Variants in CDC73 observed in about 807,000 individuals in gnomAD.
The protein encoded by CDC73 is parafibromin.
CDC73 carries 21 observed loss-of-function variants against 83.7 expected under a neutral mutation model. The observed-to-expected ratio is 0.25, with a 90% CI of 0.18 to 0.36. The LOEUF is 0.36. CDC73 is among the 10% of genes least tolerant of loss of function. The pLI is 1.00. For missense variants in CDC73, 342 were observed against 653.3 expected, an observed-to-expected ratio of 0.52 and a Z score of 5.19; for synonymous variants, 224 against 212.9, an observed-to-expected ratio of 1.05 and a Z score of -0.45.
In CDC73 at chr1:193,141,883, T is replaced by C. The variant is rs1478351190; in HGVS notation, c.546T>C (p.Ile182=). ...SLSEAMSVEK[I]AAIKAKIMAK... The stretch of plus-strand genomic sequence containing the variant: ...CTGAAGCTATGTCAGTGGAAAAAAT[T>C]GCTGCAATCAAAGCCAAAATTATGG... The change falls in exon 7 of 17, where the codon ATT becomes ATC. Residue 182 remains isoleucine (I), a synonymous_variant. Coordinates refer to ENST00000367435, the MANE Select transcript of CDC73 (RefSeq NM_024529.5). 1.2e-6 allele frequency: 2 copies of C among 1,613,552 alleles called. No homozygotes were observed. Among genetic ancestry groups the C allele is most frequent in the African/African-American group, 2.7e-5 (2 of 74,906 alleles).
intron 2 of CDC73, among the ~76,000 whole-genome samples, chr1:193,129,487 AATTTATTT>A (rs67384798): frequency 2.6e-3 from 366 of 142,868 alleles, no homozygotes; most frequent in African/African-American, 9.0e-3. Flanking sequence ...TTCAAAAAGA[AATTTATTT>A]ATTTATTTAT....
At chr1:193,224,153 C>A (rs995060610) in intron 13 of CDC73, among the ~76,000 whole-genome samples, 2 of 152,026 alleles carry the variant, frequency 1.3e-5, no homozygotes, top group African/African-American at 4.8e-5. Context: ...TCCACTCCCC[C>A]ACCCTTCCTG....
chr1:193,177,501 G>A (rs1254524553), intron 10 of CDC73, among the ~76,000 whole-genome samples: 4 of 147,936 alleles, frequency 2.7e-5, no homozygotes, highest in Admixed American at 1.4e-4. Context: ...CTGCACTCCA[G>A]CCTGGGCGAC....
At chr1:193,208,490 C>G (rs932928656) in intron 11 of CDC73, among the ~76,000 whole-genome samples, 1 of 152,180 alleles carries the variant, frequency 6.6e-6, no homozygotes, top group Non-Finnish European at 1.5e-5. Context: ...AAAAACTCAA[C>G]CACACATAGT....
intron 3 of CDC73, among the ~76,000 whole-genome samples, chr1:193,134,149 A>G (rs1469320747): frequency 6.6e-6 from 1 of 152,134 alleles, no homozygotes; most frequent in African/African-American, 2.4e-5. Flanking sequence ...GTGAATAACT[A>G]AAAATTACAT....
chr1:193,234,218 CACATAT>C (rs1213083241), intron 14 of CDC73, among the ~76,000 whole-genome samples: 2 of 29,204 alleles, frequency 6.8e-5, no homozygotes, highest in Non-Finnish European at 1.4e-4. Flanking sequence ...CACACACACA[CACATAT>C]ATATATTTAA....
chr1:193,236,426 T>C, intron 15 of CDC73, 70 bp downstream of exon 15: 2 of 986,340 alleles, frequency 2.0e-6, no homozygotes, highest in Non-Finnish European at 3.3e-6. Context: ...GAAACAGTCA[T>C]ATAGTTCTGC....
At chr1:193,145,445 G>A (rs1481047205) in intron 7 of CDC73, among the ~76,000 whole-genome samples, 1 of 152,148 alleles carries the variant, frequency 6.6e-6, no homozygotes, top group African/African-American at 2.4e-5. Flanking sequence ...GCTGATCTGA[G>A]AATACAGCTG....
Position 193,229,490 on chromosome 1 carries a change from G to A in CDC73, c.1155-3503G>A, listed in dbSNP as rs181462161. On this transcript the variant is annotated intron_variant, in intron 13 of 16. Transcript: ENST00000367435. The stretch of plus-strand genomic sequence containing the variant: ...CTTGCTCCTTCTGTGATAGGAGGAC[G>A]CAGCAATAATACGGTTTACAAACCA... Among the ~76,000 whole-genome samples, 222 of 152,328 alleles carry A rather than the reference G, an allele frequency of 1.5e-3. 3 individuals carry two copies. Among genetic ancestry groups the A allele is most frequent in the Non-Finnish European group, 6.5e-4 (44 of 68,038 alleles).
rs978685973 is a variant in CDC73, at chr1:193,232,389, T to G, written c.1155-604T>G. Among the ~76,000 whole-genome samples the G allele has an allele frequency of 1.9e-4, 29 of 152,136 alleles. 1 individual carries two copies. Among genetic ancestry groups the G allele is most frequent in the African/African-American group, 7.0e-4 (29 of 41,434 alleles). ...TTTCCTCTAATAGAATTTGAGAAAT[T>G]AAGTATTAGTGTGGAAAATGCTAAG... On this transcript the variant is annotated intron_variant, in intron 13 of 16. Transcript: ENST00000367435.
intron 10 of CDC73, among the ~76,000 whole-genome samples, chr1:193,164,172 TC>T: frequency 6.6e-6 from 1 of 152,328 alleles, no homozygotes. Flanking sequence ...CGAAGACTAG[TC>T]CATAGTACAT....
intron 10 of CDC73, among the ~76,000 whole-genome samples, chr1:193,154,805 A>G (rs145816347): frequency 8.9e-4 from 135 of 152,208 alleles, no homozygotes; most frequent in African/African-American, 2.7e-3. Flanking sequence ...TCTGCTTTGG[A>G]ATTACTACCT....
intron 10 of CDC73, among the ~76,000 whole-genome samples, chr1:193,176,568 G>C (rs1199505534): frequency 1.3e-5 from 2 of 152,176 alleles, no homozygotes; most frequent in East Asian, 3.8e-4. Flanking sequence ...TCCCATTTTA[G>C]TATTTAATAT....
chr1:193,162,672 T>G (rs1676360804), intron 10 of CDC73, among the ~76,000 whole-genome samples: 1 of 152,078 alleles, frequency 6.6e-6, no homozygotes, highest in Non-Finnish European at 1.5e-5. Context: ...CCCCGCCAGT[T>G]TAACATTTTT....
At chr1:193,219,869 C>G (rs889431699) in intron 13 of CDC73, among the ~76,000 whole-genome samples, 4 of 152,128 alleles carry the variant, frequency 2.6e-5, no homozygotes, top group Admixed American at 2.6e-4. Flanking sequence ...GCACGTGTAC[C>G]TCTTGACCAT....
At chr1:193,178,281 A>C (rs944714339) in intron 10 of CDC73, among the ~76,000 whole-genome samples, 1 of 152,148 alleles carries the variant, frequency 6.6e-6, no homozygotes, top group Non-Finnish European at 1.5e-5. Context: ...TTTCAAGATA[A>C]TGTTAGGAAT....
intron 10 of CDC73, among the ~76,000 whole-genome samples, chr1:193,200,608 A>T (rs1355409611): frequency 6.6e-6 from 1 of 152,208 alleles, no homozygotes; most frequent in African/African-American, 2.4e-5. Context: ...CTCTCCACTT[A>T]GCACAACTTG....
At chr1:193,209,100 TC>T (rs1422694306) in intron 11 of CDC73, among the ~76,000 whole-genome samples, 1 of 152,252 alleles carries the variant, frequency 6.6e-6, no homozygotes, top group Admixed American at 6.5e-5. Context: ...AGGAATTACT[TC>T]TGTTTTATTT....
intron 7 of CDC73, among the ~76,000 whole-genome samples, chr1:193,145,942 C>T (rs753148187): frequency 4.6e-5 from 7 of 152,110 alleles, no homozygotes; most frequent in African/African-American, 9.7e-5. Context: ...ATTAAATAAG[C>T]GGTAATTATT....
Sources: gnomAD v4.1 joint callset for allele counts (sites outside exome capture counted in the v4.1 genomes callset) on GRCh38, gnomAD v4.1.1 for gene constraint, MANE v1.5 for transcripts, NCBI Gene and HGNC (gene_info 2026-07-23, HGNC 2026-07-21) for gene names.